Variants in SLC2A13 observed in about 807,000 individuals in gnomAD.
SLC2A13 encodes proton myo-inositol cotransporter.
In SLC2A13, 32 loss-of-function variants were observed where a neutral mutation model predicts 64.4. The observed-to-expected ratio is 0.50, with a 90% CI of 0.37 to 0.67. The LOEUF (loss-of-function observed/expected upper bound fraction) is 0.67, where lower values mean the gene tolerates loss of function less well. Ranked by LOEUF, SLC2A13 falls within the 30% of genes least tolerant of loss-of-function variation. The pLI, the probability that SLC2A13 is intolerant of heterozygous loss-of-function variation, is 0.00. For synonymous variants in SLC2A13, 338 were observed against 327.1 expected (o/e 1.03, Z -0.36); for missense variants, 743 against 829.2 (o/e 0.90, Z 1.28).
At chr12:39,977,008 A>C (rs1285337844) in intron 3 of SLC2A13, among the ~76,000 whole-genome samples, 1 of 152,236 alleles carries the variant, frequency 6.6e-6, no homozygotes, top group African/African-American at 2.4e-5. Context: ...ATCAGGAAGG[A>C]AAGCATGAAA....
chr12:40,077,537 C>T (rs761533659), intron 1 of SLC2A13, among the ~76,000 whole-genome samples: 1 of 152,146 alleles, frequency 6.6e-6, no homozygotes, highest in Non-Finnish European at 1.5e-5. Flanking sequence ...CAGTATCATG[C>T]TGTTTTGGTT....
At chr12:40,034,782 T>C (rs1947953042) in intron 2 of SLC2A13, among the ~76,000 whole-genome samples, 1 of 152,188 alleles carries the variant, frequency 6.6e-6, no homozygotes, top group Admixed American at 6.5e-5. Context: ...GGTTAGCAAT[T>C]AGAATCAATA....
chr12:39,912,039 G>A (rs1234984045), intron 4 of SLC2A13, among the ~76,000 whole-genome samples: 1 of 152,016 alleles, frequency 6.6e-6, no homozygotes, highest in African/African-American at 2.4e-5. Context: ...TGCTGAACCA[G>A]ATTTGGAACC....
chr12:39,942,991 T>C (rs1946064390), intron 4 of SLC2A13, among the ~76,000 whole-genome samples: 1 of 152,216 alleles, frequency 6.6e-6, no homozygotes, highest in African/African-American at 2.4e-5. Flanking sequence ...TGTTTGTTAG[T>C]TTTCCTTGTA....
chr12:39,970,199 G>A (rs992494671), intron 3 of SLC2A13, among the ~76,000 whole-genome samples: 2 of 152,186 alleles, frequency 1.3e-5, no homozygotes, highest in Non-Finnish European at 2.9e-5. Flanking sequence ...TTTGGTTACT[G>A]TAGCCTTGTA....
chr12:39,784,710 C>G (rs1941122176), intron 7 of SLC2A13, among the ~76,000 whole-genome samples: 1 of 152,124 alleles, frequency 6.6e-6, no homozygotes, highest in African/African-American at 2.4e-5. Context: ...GCAACAAAAG[C>G]CAAAACTGAC....
chr12:39,974,951 T>C (rs574275505), intron 3 of SLC2A13, among the ~76,000 whole-genome samples: 320 of 152,346 alleles, frequency 2.1e-3, no homozygotes, highest in Non-Finnish European at 3.5e-3. Context: ...GGCACTTTTA[T>C]GTATTATAAA....
intron 4 of SLC2A13, chr12:39,907,708 C>T (rs368479476): frequency 6.6e-6 from 1 of 152,036 alleles, no homozygotes; most frequent in East Asian, 1.9e-4. Context: ...GCAGAAAGCC[C>T]TCTGACCTGT....
At chr12:39,886,250 T>A (rs1944462948) in intron 4 of SLC2A13, among the ~76,000 whole-genome samples, 1 of 152,092 alleles carries the variant, frequency 6.6e-6, no homozygotes, top group Non-Finnish European at 1.5e-5. Context: ...TATTAAATAG[T>A]AAATTAGGCT....
intron 3 of SLC2A13, among the ~76,000 whole-genome samples, chr12:39,958,067 G>T (rs28370608): frequency 2.0e-5 from 3 of 152,160 alleles, no homozygotes; most frequent in Admixed American, 6.5e-5. Flanking sequence ...CCCCAAACTT[G>T]TTTTTTACCC....
chr12:39,946,721 C>A (rs1946141825), intron 4 of SLC2A13, among the ~76,000 whole-genome samples: 1 of 152,218 alleles, frequency 6.6e-6, no homozygotes, highest in South Asian at 2.1e-4. Flanking sequence ...GTTCCCGCAA[C>A]AGCCCCAAGT....
At chr12:39,912,556 C>T (rs1945448721) in intron 4 of SLC2A13, among the ~76,000 whole-genome samples, 1 of 152,094 alleles carries the variant, frequency 6.6e-6, no homozygotes, top group South Asian at 2.1e-4. Flanking sequence ...GAGGAAGATT[C>T]AGTAGCCACA....
At chr12:39,820,746 TATATATA>T (rs1942476508) in intron 7 of SLC2A13, among the ~76,000 whole-genome samples, 1 of 8,692 alleles carries the variant, frequency 1.2e-4, no homozygotes, top group Non-Finnish European at 1.8e-4. Flanking sequence ...TATATATATA[TATATATA>T]TATATATATA....
At chr12:39,990,060 A>C (rs1947107534) in intron 3 of SLC2A13, among the ~76,000 whole-genome samples, 1 of 152,186 alleles carries the variant, frequency 6.6e-6, no homozygotes. Context: ...ATATTATTCC[A>C]AGTCTAGGAC....
intron 1 of SLC2A13, among the ~76,000 whole-genome samples, chr12:40,098,842 G>C (rs1227917558): frequency 6.6e-6 from 1 of 152,176 alleles, no homozygotes; most frequent in African/African-American, 2.4e-5. Flanking sequence ...TAAGTACTAC[G>C]TCCAGGGTGT....
rs560265435 is a variant in SLC2A13 at position 39,922,810 on chromosome 12, C to T, written c.1034+28447G>A. Among the ~76,000 whole-genome samples, 254 of 151,584 alleles carry T rather than the reference C, an allele frequency of 1.7e-3. 2 individuals are homozygous for T. The South Asian group carries it at 0.019, about 11-fold the overall frequency. ...AGTCTTACAAAACTAGCTTGCAAAA[C>T]TTTGCAAAACTTGCAAAAGCTTGTC... On this transcript the variant is annotated intron_variant, in intron 4 of 9. Transcript: ENST00000280871.
Position 39,759,869 on chromosome 12 carries a change from G to T in SLC2A13, c.*157C>A. On this transcript the variant is annotated 3_prime_UTR_variant, in exon 10 of 10. Coordinates refer to ENST00000280871, the MANE Select transcript of SLC2A13 (RefSeq NM_052885.4). ...CCTTGTGGAAAAAAAAAGTCATCATGGTTGTATCTTCCTCCTAATCAAGTA... is the reference window on the plus strand; with the variant it reads ...CCTTGTGGAAAAAAAAAGTCATCATTGTTGTATCTTCCTCCTAATCAAGTA... The T allele has an allele frequency of 1.7e-6, 1 of 589,890 alleles. No homozygotes were observed. 36.5% of individuals were successfully genotyped at this position (589,890 alleles called of 1,614,324 possible).
At chr12:40,063,576 C>G (rs928642480) in intron 1 of SLC2A13, among the ~76,000 whole-genome samples, 1 of 152,094 alleles carries the variant, frequency 6.6e-6, no homozygotes, top group Non-Finnish European at 1.5e-5. Context: ...GCATCAAAAC[C>G]CTTGCCCAGA....
intron 1 of SLC2A13, among the ~76,000 whole-genome samples, chr12:40,081,833 T>G (rs1188326553): frequency 2.0e-5 from 3 of 152,244 alleles, no homozygotes; most frequent in Non-Finnish European, 4.4e-5. Flanking sequence ...TTAAAGTTGC[T>G]GTCCTTCATA....
Sources: allele counts gnomAD v4.1 joint callset (sites outside exome capture counted in the v4.1 genomes callset), GRCh38; gene constraint gnomAD v4.1.1; transcripts MANE v1.5; gene names NCBI Gene and HGNC (gene_info 2026-07-23, HGNC 2026-07-21).